Variants in COPS7B observed in about 807,000 individuals in gnomAD.
COPS7B encodes the protein COP9 signalosome complex subunit 7b.
COPS7B carries 9 observed loss-of-function variants against 33.4 expected under a neutral mutation model. The observed-to-expected ratio is 0.27, with a 90% CI of 0.16 to 0.47. The LOEUF is 0.47. COPS7B is among the 20% of genes least tolerant of loss of function. The pLI is 0.99. For missense variants in COPS7B, 242 were observed against 318.2 expected, an observed-to-expected ratio of 0.76 and a Z score of 1.82; for synonymous variants, 119 against 126.3, an observed-to-expected ratio of 0.94 and a Z score of 0.39.
At chr2:231,795,180 A>G (rs1446919472) in intron 4 of COPS7B, among the ~76,000 whole-genome samples, 1 of 152,022 alleles carries the variant, frequency 6.6e-6, no homozygotes, top group East Asian at 1.9e-4. Context: ...CGGCCTCCCA[A>G]AGTGCTGGGA....
chr2:231,794,065 T>C, intron 3 of COPS7B, 198 bp from the exon 4 acceptor site: 1 of 535,474 alleles, frequency 1.9e-6, no homozygotes, highest in Non-Finnish European at 3.3e-6. Flanking sequence ...ACTCTGTGTT[T>C]GTAGAAACTG....
intron 5 of COPS7B, among the ~76,000 whole-genome samples, chr2:231,797,412 T>G (rs1479780893): frequency 2.0e-5 from 3 of 152,186 alleles, no homozygotes; most frequent in Non-Finnish European, 4.4e-5. Flanking sequence ...TTAGAATAAA[T>G]AAGAAATAAA....
At chr2:231,806,363 A>G (rs1388984535) in intron 6 of COPS7B, among the ~76,000 whole-genome samples, 1 of 152,104 alleles carries the variant, frequency 6.6e-6, no homozygotes, top group Non-Finnish European at 1.5e-5. Flanking sequence ...CAGCCTGGAC[A>G]ACGTGGTGAA....
At chr2:231,797,209 A>G (rs1188003918) in intron 5 of COPS7B, among the ~76,000 whole-genome samples, 5 of 152,114 alleles carry the variant, frequency 3.3e-5, no homozygotes, top group African/African-American at 1.2e-4. Flanking sequence ...AGAGAAGCAT[A>G]TCCAGAGAGG....
intron 3 of COPS7B, 155 bp from the exon 4 acceptor site, chr2:231,794,108 C>T: frequency 3.6e-6 from 2 of 551,116 alleles, no homozygotes; most frequent in Non-Finnish European, 6.4e-6. Context: ...CATAGTCTTC[C>T]AAAGAAGACA....
chr2:231,797,967 A>G (rs2049621855), intron 5 of COPS7B, among the ~76,000 whole-genome samples: 2 of 152,182 alleles, frequency 1.3e-5, no homozygotes, highest in Non-Finnish European at 2.9e-5. Flanking sequence ...AGCTCACCGC[A>G]ACCTCTGCCT....
At position 231,791,820 on chromosome 2, in the gene COPS7B, A is replaced by G; in HGVS notation, c.238+12A>G. 6.2e-7 allele frequency: 1 copy of G among 1,608,186 alleles called. No homozygotes were observed. The highest frequency in any genetic ancestry group is 8.5e-7 in the Non-Finnish European group (1 of 1,174,566). On this transcript the variant is annotated intron_variant, in intron 3 of 6. Coordinates refer to ENST00000350033, the MANE Select transcript of COPS7B (RefSeq NM_022730.4). ...CCCAGATTACATAGGTGAGTTGGTGAAGATCCTTCAAAAGACTTGTGTTAA... is the reference window on the plus strand; with the variant it reads ...CCCAGATTACATAGGTGAGTTGGTGGAGATCCTTCAAAAGACTTGTGTTAA...
At position 231,791,823 on chromosome 2, in the gene COPS7B, A is replaced by G. The variant is rs1371938961; in HGVS notation, c.238+15A>G. The G allele has an allele frequency of 1.2e-6, 2 of 1,606,268 alleles. No individual in the cohort carries two copies. Among genetic ancestry groups the G allele is most frequent in the East Asian group, 4.5e-5 (2 of 44,826 alleles). On this transcript the variant is annotated intron_variant, in intron 3 of 6. Coordinates refer to ENST00000350033, the MANE Select transcript of COPS7B (RefSeq NM_022730.4). ...AGATTACATAGGTGAGTTGGTGAAGATCCTTCAAAAGACTTGTGTTAATTA... is the reference window on the plus strand; with the variant it reads ...AGATTACATAGGTGAGTTGGTGAAGGTCCTTCAAAAGACTTGTGTTAATTA...
At chr2:231,784,328 A>T (rs577727032), upstream of COPS7B, among the ~76,000 whole-genome samples, 111 of 151,872 alleles carry the variant, frequency 7.3e-4, 1 homozygote, top group African/African-American at 2.5e-3. Context: ...AAAAAAAGGA[A>T]TAAATTTGCC....
At position 231,807,507 on chromosome 2, in the gene COPS7B, A is replaced by G; in HGVS notation, c.657A>G (p.Thr219=). 6.2e-7 allele frequency: 1 copy of G among 1,613,118 alleles called. No individual in the cohort carries two copies. ...ACCAGGTTACCAACATCAAGAAGAC[A>G]CTCAAAGCCACCGCATCCTCCTCGG... ...VEAEVTNIKK[T]LKATASSSAQ... Residue 219 remains threonine (T), a synonymous_variant, in exon 7 of 7, where the codon ACA becomes ACG. Transcript: ENST00000350033.
chr2:231,805,072 G>A (rs1259734083), intron 6 of COPS7B, among the ~76,000 whole-genome samples: 1 of 152,160 alleles, frequency 6.6e-6, no homozygotes, highest in East Asian at 1.9e-4. Context: ...GATAGTATGT[G>A]TCTGTAGTCC....
In COPS7B at chr2:231,799,020, T is replaced by C; in HGVS notation, c.636+56T>C. On this transcript the variant is annotated intron_variant, in intron 6 of 6. Transcript: ENST00000350033. ...CTCCAGGCATACCTGTTTATTCGTT[T>C]GCAGTGTTTATGTTTTTGTTTTGCG... 8 of 1,490,622 alleles carry C rather than the reference T, an allele frequency of 5.4e-6. No homozygotes were observed. The Admixed American group carries it at 1.4e-4, about 27-fold the overall frequency. 92.3% of individuals were successfully genotyped at this position (1,490,622 alleles called of 1,614,324 possible).
chr2:231,796,799 G>T (rs914362534), intron 5 of COPS7B, among the ~76,000 whole-genome samples: 1 of 152,216 alleles, frequency 6.6e-6, no homozygotes. Flanking sequence ...GCTAATGTTT[G>T]TAAAACACCG....
intron 6 of COPS7B, among the ~76,000 whole-genome samples, chr2:231,805,771 T>C (rs1312582060): frequency 2.0e-5 from 3 of 151,884 alleles, no homozygotes; most frequent in African/African-American, 7.3e-5. Flanking sequence ...GCCACTTGAG[T>C]AGCTGGGACT....
intron 6 of COPS7B, among the ~76,000 whole-genome samples, chr2:231,802,365 T>C (rs982019296): frequency 3.3e-5 from 5 of 152,232 alleles, no homozygotes; most frequent in African/African-American, 1.2e-4. Flanking sequence ...GTGCACTGTG[T>C]TTCCTCTCGT....
In COPS7B at chr2:231,807,645, G is replaced by A. The variant is rs998759209; in HGVS notation, c.795G>A (p.Ter265=). 137 of 1,549,174 alleles carry A rather than the reference G, an allele frequency of 8.8e-5. No individual in the cohort carries two copies. Among genetic ancestry groups the A allele is most frequent in the Non-Finnish European group, 1.2e-4 (132 of 1,146,512 alleles). ...KVKGLVSSRH[*] Reference sequence around the variant, plus strand: ...AAGGTCTGGTCTCCAGCCGCCACTAGGGCCGGCTGGGGCAGCTGGCACTCA... The same window carrying A: ...AAGGTCTGGTCTCCAGCCGCCACTAAGGCCGGCTGGGGCAGCTGGCACTCA... The change falls in exon 7 of 7, where the codon TAG becomes TAA. Residue 265 remains the stop codon, a stop_retained_variant. Transcript: ENST00000350033.
At chr2:231,783,379 C>T (rs1024007715), upstream of COPS7B, among the ~76,000 whole-genome samples, 1 of 152,194 alleles carries the variant, frequency 6.6e-6, no homozygotes, top group Non-Finnish European at 1.5e-5. Context: ...CAATTTACGC[C>T]TTTGCCAGCA....
intron 6 of COPS7B, among the ~76,000 whole-genome samples, chr2:231,804,373 G>A (rs1365171830): frequency 2.0e-5 from 3 of 151,210 alleles, no homozygotes; most frequent in Non-Finnish European, 4.4e-5. Flanking sequence ...TCAGCGTCCC[G>A]AGTAGCTGGG....
upstream of COPS7B, chr2:231,781,703 A>C: frequency 1.3e-6 from 1 of 774,906 alleles, no homozygotes; most frequent in East Asian, 2.7e-5. Context: ...TTCCTCTGTA[A>C]CTTAGACTCC....
Sources: allele counts gnomAD v4.1 joint callset (sites outside exome capture counted in the v4.1 genomes callset), GRCh38; gene constraint gnomAD v4.1.1; transcripts MANE v1.5; gene names NCBI Gene and HGNC (gene_info 2026-07-23, HGNC 2026-07-21).